Variants in DNHD1 observed in about 807,000 individuals in gnomAD.
DNHD1 encodes dynein heavy chain domain-containing protein 1.
Under a neutral mutation model 458.1 loss-of-function variants are expected in DNHD1, and 383 were observed. The ratio of observed to expected loss-of-function variants is 0.84; its 90% CI spans 0.77 to 0.91. The LOEUF (loss-of-function observed/expected upper bound fraction) is 0.91, where lower values mean the gene tolerates loss of function less well. Among genes scored for constraint, DNHD1 ranks in the 40% least tolerant of loss-of-function variants. The probability of loss-of-function intolerance (pLI) is 0.00; values close to 1 mark genes in which losing one functional copy is unlikely to be tolerated. For missense variants in DNHD1, 5,336 were observed against 5,866.1 expected (o/e 0.91, Z 2.95); for synonymous variants, 2,203 against 2,376.9 (o/e 0.93, Z 2.13).
Position 6,571,094 on chromosome 11 carries a change from C to G in DNHD1, c.13582C>G (p.Leu4528Val). 2 of 1,595,846 alleles carry G rather than the reference C, an allele frequency of 1.3e-6. No individual in the cohort carries two copies. The highest frequency in any genetic ancestry group is 1.3e-5 in the African/African-American group (1 of 74,836). The change falls in exon 42 of 43, where the codon CTC becomes GTC. Residue 4528 changes from leucine (L) to valine (V), a missense_variant. By Grantham distance (32) the Leu-to-Val change is conservative. Transcript: ENST00000254579. The surrounding 1 kb of genome is among the most constrained non-coding windows in gnomAD (Gnocchi z 5.0). The part of the protein sequence containing the change: ...SRRCAAVAHA[L>V]WTGRLPLPWR... ...CCGCTGTGCTGCGGTGGCCCACGCT[C>G]TCTGGACTGGCCGCCTACCCTTGCC...
chr11:6,498,350 C>T lies in DNHD1; in HGVS notation c.135C>T (p.Phe45=), dbSNP rs753212855. 30 of 1,614,072 alleles carry T rather than the reference C, an allele frequency of 1.9e-5. 2 individuals carry two copies. The East Asian group carries it at 2.0e-4, about 11-fold the overall frequency. ...CCTGCCAGCAGAAACAGAGGCAGTT[C>T]GTGAAGCCAGTGACTGAGTCAGAGC... ...PLACQQKQRQ[F]VKPVTESEQP... is the part of the protein sequence containing the mutation. The change falls in exon 3 of 43, where the codon TTC becomes TTT. Residue 45 remains phenylalanine (F), a synonymous_variant. Coordinates refer to ENST00000254579, the MANE Select transcript of DNHD1 (RefSeq NM_144666.3).
intron 10 of DNHD1, among the ~76,000 whole-genome samples, chr11:6,523,478 G>C (rs992838547): frequency 1.3e-5 from 2 of 152,078 alleles, no homozygotes; most frequent in African/African-American, 4.8e-5. Flanking sequence ...TTAACAAGAA[G>C]CTTTGCTCTG....
rs928706746 is a variant in DNHD1 at position 6,545,883 on chromosome 11, G to C, written c.4944G>C (p.Leu1648=). The change falls in exon 21 of 43, where the codon CTG becomes CTC. Residue 1648 remains leucine (L), a synonymous_variant. Coordinates refer to ENST00000254579, the MANE Select transcript of DNHD1 (RefSeq NM_144666.3). This position sits in a 1 kb window ranked among gnomAD's most constrained non-coding sequence, Gnocchi z 4.9. Reference sequence around the variant, plus strand: ...TAGATGTGCTAGGCAGGTCCTTCCTGTACAATTACGAGTATCTGGGACCTA... The same window carrying C: ...TAGATGTGCTAGGCAGGTCCTTCCTCTACAATTACGAGTATCTGGGACCTA... The part of the protein sequence containing the change: ...CWIDVLGRSF[L]YNYEYLGPRL... 16 of 1,551,718 alleles carry C rather than the reference G, an allele frequency of 1.0e-5. No homozygotes were observed. Among genetic ancestry groups the C allele is most frequent in the Non-Finnish European group, 1.4e-5 (16 of 1,147,020 alleles).
rs796817189 is a variant in DNHD1, at chr11:6,567,090, G to A, written c.11581G>A (p.Val3861Ile). The A allele has an allele frequency of 6.2e-7, 1 of 1,614,032 alleles. No individual in the cohort carries two copies. Among genetic ancestry groups the A allele is most frequent in the Middle Eastern group, 1.6e-4 (1 of 6,062 alleles). The change falls in exon 36 of 43, where the codon GTA becomes ATA. Residue 3861 changes from valine (V) to isoleucine (I), a missense_variant. Val to Ile is a conservative substitution (Grantham distance 29). This residue lies in a region of DNHD1 where 695 missense variants were observed against 804.2 expected (regional missense o/e 0.86). Transcript: ENST00000254579. ...RPVVWHGMAM[V>I]KALSQLQNLL... ...TGTGGTTTGGCATGGAATGGCCATG[G>A]TAAAGGCCCTAAGCCAACTGCAGAA...
chr11:6,545,674 G>C lies in DNHD1; in HGVS notation c.4735G>C (p.Val1579Leu). The change falls in exon 21 of 43, where the codon GTG becomes CTG. Residue 1579 changes from valine (V) to leucine (L), a missense_variant. Val to Leu is a conservative substitution (Grantham distance 32). Coordinates refer to ENST00000254579, the MANE Select transcript of DNHD1 (RefSeq NM_144666.3). The surrounding 1 kb of genome is among the most constrained non-coding windows in gnomAD (Gnocchi z 4.9). ...SLLSALLVMA[V>L]THRDIAQLLE... is the part of the protein sequence containing the mutation. The stretch of plus-strand genomic sequence containing the variant: ...TCTCAGTGCCCTGCTGGTCATGGCA[G>C]TGACTCACCGGGATATAGCACAGCT... The C allele has an allele frequency of 6.4e-7, 1 of 1,551,754 alleles. No individual in the cohort carries two copies. Among genetic ancestry groups the C allele is most frequent in the Non-Finnish European group, 8.7e-7 (1 of 1,147,012 alleles).
rs188494993 is a variant in DNHD1, at chr11:6,533,856, C to T, written c.2681C>T (p.Pro894Leu). 1.7e-5 allele frequency: 26 copies of T among 1,551,258 alleles called. No individual in the cohort carries two copies. The Admixed American group carries it at 4.3e-4, about 26-fold the overall frequency. ...CCCATCCCTCCCTGCCCTCCTCCCC[C>T]ACAACCACATCTACTCCACTGCCCT... ...ESPIPPCPPP[P>L]QPHLLHCPLL... The change falls in exon 14 of 43, where the codon CCA becomes CTA. Residue 894 changes from proline (P) to leucine (L), a missense_variant. Transcript: ENST00000254579.
chr11:6,554,363 A>G (rs1853418210), intron 24 of DNHD1, among the ~76,000 whole-genome samples: 1 of 152,188 alleles, frequency 6.6e-6, no homozygotes. Context: ...AGCTAAAACT[A>G]TAAAATTTTT....
chr11:6,527,734 G>T (rs1275952787), intron 10 of DNHD1, among the ~76,000 whole-genome samples: 3 of 152,178 alleles, frequency 2.0e-5, no homozygotes, highest in Non-Finnish European at 4.4e-5. Context: ...GAAGAGAAGA[G>T]ATCAGCTAGG....
intron 12 of DNHD1, among the ~76,000 whole-genome samples, chr11:6,529,480 C>T (rs535157990): frequency 1.3e-5 from 2 of 152,284 alleles, no homozygotes; most frequent in South Asian, 4.1e-4. Context: ...TAAAAAGCTA[C>T]TCTCTAACTG....
In DNHD1 at chr11:6,557,239, G is replaced by A. The variant is rs868165424; in HGVS notation, c.7944G>A (p.Leu2648=). The change falls in exon 25 of 43, where the codon TTG becomes TTA. Residue 2648 remains leucine (L), a synonymous_variant. Coordinates refer to ENST00000254579, the MANE Select transcript of DNHD1 (RefSeq NM_144666.3). ...CACGCAATGTGGTGCGTCTTTGGTT[G>A]CATGAGGCACAGAGAACCTTTTGCG... ...MATRNVVRLW[L]HEAQRTFCDR... 6.4e-7 allele frequency: 1 copy of A among 1,551,568 alleles called. No homozygotes were observed. Among genetic ancestry groups the A allele is most frequent in the Non-Finnish European group, 8.7e-7 (1 of 1,146,998 alleles).
intron 14 of DNHD1, among the ~76,000 whole-genome samples, chr11:6,535,059 T>G (rs1852916398): frequency 1.3e-5 from 2 of 152,206 alleles, no homozygotes; most frequent in Admixed American, 1.3e-4. Flanking sequence ...CCTTCCAGAA[T>G]TCTTATATGT....
chr11:6,547,554 C>T lies in DNHD1; in HGVS notation c.6615C>T (p.His2205=), dbSNP rs1316008017. ...GTGTCAGCTCTCTGCTGCAGGTACACGGGCAGCAGGCTGTTTGTGCAGGTG... is the reference window on the plus strand; with the variant it reads ...GTGTCAGCTCTCTGCTGCAGGTACATGGGCAGCAGGCTGTTTGTGCAGGTG... ...CQGVSSLLQV[H]GQQAVCAGVA... is the part of the protein sequence containing the mutation. Residue 2205 remains histidine, a synonymous_variant, in exon 21 of 43, where the codon CAC becomes CAT. Transcript: ENST00000254579. 5.2e-6 allele frequency: 8 copies of T among 1,550,870 alleles called. No individual in the cohort carries two copies. In the African/African-American group the frequency reaches 6.8e-5, roughly 13 times the overall value.
chr11:6,547,022 T>C lies in DNHD1; in HGVS notation c.6083T>C (p.Ile2028Thr). ...TSTQGCQPVE[I>T]THLYPSGLSP... ...ACCCAAGGCTGCCAGCCTGTGGAAA[T>C]TACCCACCTGTACCCCAGTGGCCTC... Residue 2028 changes from isoleucine to threonine, a missense_variant, in exon 21 of 43, where the codon ATT becomes ACT. By Grantham distance (89) the Ile-to-Thr change is moderately conservative (BLOSUM62 -1). Around this residue, in one of 4 missense-constraint regions of DNHD1, gnomAD observed 3,932 missense variants for 4,365.6 expected, o/e 0.90. Transcript: ENST00000254579. 1 of 1,551,482 alleles carries C rather than the reference T, an allele frequency of 6.4e-7. No homozygotes were observed. Among genetic ancestry groups the C allele is most frequent in the Non-Finnish European group, 8.7e-7 (1 of 1,146,946 alleles).
At chr11:6,524,456 C>G (rs1220305979) in intron 10 of DNHD1, among the ~76,000 whole-genome samples, 1 of 152,152 alleles carries the variant, frequency 6.6e-6, no homozygotes, top group Non-Finnish European at 1.5e-5. Context: ...CTTATAACTA[C>G]TTCTTTCAAA....
chr11:6,525,331 G>A (rs141644689), intron 10 of DNHD1, among the ~76,000 whole-genome samples: 2,046 of 152,276 alleles, frequency 0.013, 31 homozygotes, highest in Middle Eastern at 0.017. Flanking sequence ...AATGGCTGAC[G>A]TTCTCAGTGT....
intron 4 of DNHD1, among the ~76,000 whole-genome samples, chr11:6,506,356 C>A (rs1852227950): frequency 6.6e-6 from 1 of 152,078 alleles, no homozygotes; most frequent in African/African-American, 2.4e-5. Context: ...GACCCAAAGG[C>A]TGGGGGATTA....
Position 6,544,218 on chromosome 11 carries a change from G to A in DNHD1, c.3726G>A (p.Leu1242=). 1 of 1,551,576 alleles carries A rather than the reference G, an allele frequency of 6.4e-7. No homozygotes were observed. Among genetic ancestry groups the A allele is most frequent in the Non-Finnish European group, 8.7e-7 (1 of 1,146,972 alleles). Residue 1242 remains leucine, a synonymous_variant, in exon 19 of 43, where the codon TTG becomes TTA. Coordinates refer to ENST00000254579, the MANE Select transcript of DNHD1 (RefSeq NM_144666.3). Reference sequence around the variant, plus strand: ...CAGGAGATTTAAACAAAATAGCTTTGGAGTGGGTGGCCATCATGCATGGCC... The same window carrying A: ...CAGGAGATTTAAACAAAATAGCTTTAGAGTGGGTGGCCATCATGCATGGCC... ...EKSGDLNKIA[L]EWVAIMHGLG... is the part of the protein sequence containing the mutation.
chr11:6,527,478 A>G (rs974625885), intron 10 of DNHD1, among the ~76,000 whole-genome samples: 3 of 152,248 alleles, frequency 2.0e-5, no homozygotes, highest in African/African-American at 7.2e-5. Flanking sequence ...AAACTGGAAG[A>G]ACAGAGTTTC....
In DNHD1 at chr11:6,564,730, A is replaced by G. The variant is rs1472937979; in HGVS notation, c.10682A>G (p.Glu3561Gly). 1 of 1,549,556 alleles carries G rather than the reference A, an allele frequency of 6.5e-7. No individual in the cohort carries two copies. ...RWPLLLDPSN[E>G]ALIWLDPLPL... is the part of the protein sequence containing the mutation. ...CCTCTGCTGCTTGACCCCAGCAACG[A>G]GGCCCTCATCTGGTTGGACCCGCTG... is the stretch of plus-strand genomic sequence containing the variant. Residue 3561 changes from glutamate (E) to glycine (G), a missense_variant, in exon 32 of 43, where the codon GAG (glutamate) becomes GGG (glycine). Glu to Gly is a moderately conservative substitution (Grantham distance 98). This residue lies in a region of DNHD1 where 11 missense variants were observed against 31.4 expected (regional missense o/e 0.35). Transcript: ENST00000254579.
Sources: gnomAD v4.1 joint callset for allele counts (sites outside exome capture counted in the v4.1 genomes callset) on GRCh38, gnomAD v4.1.1 for gene constraint, gnomAD v4.1.1 regional missense constraint, Gnocchi (gnomAD v3.1) non-coding constraint, MANE v1.5 for transcripts, NCBI Gene and HGNC (gene_info 2026-07-23, HGNC 2026-07-21) for gene names.